Variants in SPMIP2 observed in about 807,000 individuals in gnomAD.
The protein encoded by SPMIP2 is protein SPMIP2.
At chr4:159,052,015 TA>T in the SPMIP2 span, among the ~76,000 whole-genome samples, 15 of 145,842 alleles carry the variant, frequency 1.0e-4, no homozygotes, top group African/African-American at 1.3e-4. Flanking sequence ...TTCTGGATGC[TA>T]AAAAAAAAAC....
At chr4:158,982,402 C>T in the SPMIP2 span, among the ~76,000 whole-genome samples, 1 of 152,172 alleles carries the variant, frequency 6.6e-6, no homozygotes, top group Admixed American at 6.5e-5. Flanking sequence ...ACTCTCCACC[C>T]CAAATCAATA....
the SPMIP2 span, among the ~76,000 whole-genome samples, chr4:159,001,013 A>G: frequency 2.6e-5 from 4 of 152,304 alleles, no homozygotes; most frequent in Admixed American, 2.6e-4. Context: ...TATCTTGGGT[A>G]AATAACTAGA....
the SPMIP2 span, among the ~76,000 whole-genome samples, chr4:158,910,399 T>G: frequency 1.3e-5 from 2 of 152,034 alleles, no homozygotes; most frequent in East Asian, 3.9e-4. Context: ...TCAGCCTTCC[T>G]GAGTAGTTGG....
At chr4:158,930,216 T>TCTCTCTCTCTCA in the SPMIP2 span, among the ~76,000 whole-genome samples, 1 of 91,006 alleles carries the variant, frequency 1.1e-5, no homozygotes, top group Non-Finnish European at 2.1e-5. Flanking sequence ...TCTCTCTCTC[T>TCTCTCTCTCTCA]CACTCGCTCT....
the SPMIP2 span, among the ~76,000 whole-genome samples, chr4:158,976,271 C>T: frequency 4.6e-5 from 7 of 152,120 alleles, no homozygotes; most frequent in African/African-American, 1.7e-4. Flanking sequence ...TATTTGAATA[C>T]ATTTATTTCT....
chr4:159,016,105 G>T, the SPMIP2 span, among the ~76,000 whole-genome samples: 1 of 152,136 alleles, frequency 6.6e-6, no homozygotes, highest in Non-Finnish European at 1.5e-5. Flanking sequence ...GTTAGAATTC[G>T]TAATTTTAAA....
At chr4:159,073,929 C>G in the SPMIP2 span, among the ~76,000 whole-genome samples, 1 of 152,092 alleles carries the variant, frequency 6.6e-6, no homozygotes, top group Non-Finnish European at 1.5e-5. Flanking sequence ...ACCTTGAACC[C>G]AGGAGGTGGA....
At chr4:158,960,784 C>T in the SPMIP2 span, among the ~76,000 whole-genome samples, 482 of 152,206 alleles carry the variant, frequency 3.2e-3, 1 homozygote, top group African/African-American at 0.01. Context: ...TATAGACAGA[C>T]TGTGGTAAAG....
the SPMIP2 span, among the ~76,000 whole-genome samples, chr4:159,058,172 T>C: frequency 6.8e-6 from 1 of 148,088 alleles, no homozygotes; most frequent in Admixed American, 6.8e-5. Context: ...AAAATGGCAA[T>C]TGTATTTGCT....
the SPMIP2 span, among the ~76,000 whole-genome samples, chr4:159,037,813 CACACACACACACACAT>C: frequency 2.3e-4 from 32 of 141,234 alleles, no homozygotes; most frequent in Non-Finnish European, 3.4e-4. Flanking sequence ...CACACACACA[CACACACACACACACAT>C]ATATATATGT....
the SPMIP2 span, among the ~76,000 whole-genome samples, chr4:158,985,716 A>G: frequency 6.6e-6 from 1 of 151,386 alleles, no homozygotes; most frequent in Admixed American, 6.6e-5. Context: ...CCCTTTGAAA[A>G]CTGGCACAAG....
the SPMIP2 span, among the ~76,000 whole-genome samples, chr4:158,992,886 C>A: frequency 6.6e-6 from 1 of 152,228 alleles, no homozygotes; most frequent in East Asian, 1.9e-4. Flanking sequence ...CCTCTTACTC[C>A]TAGCACATTG....
chr4:159,049,449 A>T, the SPMIP2 span, among the ~76,000 whole-genome samples: 3 of 152,212 alleles, frequency 2.0e-5, no homozygotes, highest in African/African-American at 4.8e-5. Flanking sequence ...TGATTTTTTT[A>T]AAAAATTCTT....
the SPMIP2 span, among the ~76,000 whole-genome samples, chr4:159,080,607 T>C: frequency 6.6e-6 from 1 of 152,226 alleles, no homozygotes; most frequent in African/African-American, 2.4e-5. Context: ...ATTAACACTT[T>C]TGGTATCTCC....
chr4:158,908,245 A>G, the SPMIP2 span, among the ~76,000 whole-genome samples: 2 of 152,146 alleles, frequency 1.3e-5, no homozygotes, highest in East Asian at 3.9e-4. Context: ...GGGGGCTCAG[A>G]TGATAGGCGA....
At chr4:159,076,899 C>T in the SPMIP2 span, among the ~76,000 whole-genome samples, 6 of 151,290 alleles carry the variant, frequency 4.0e-5, no homozygotes, top group Admixed American at 2.0e-4. Flanking sequence ...GTAATGGTGC[C>T]GTCTCGGCTC....
At chr4:159,008,393 T>C in the SPMIP2 span, among the ~76,000 whole-genome samples, 1 of 152,220 alleles carries the variant, frequency 6.6e-6, no homozygotes, top group African/African-American at 2.4e-5. Context: ...ACCAACATGG[T>C]GAAACCCCAT....
At chr4:158,907,648 T>G in the SPMIP2 span, 1 of 152,244 alleles carries the variant, frequency 6.6e-6, no homozygotes, top group African/African-American at 2.4e-5. Context: ...ATTTTGTTCA[T>G]GCATACTTCC....
the SPMIP2 span, chr4:158,893,672 A>C: frequency 6.3e-7 from 1 of 1,580,858 alleles, no homozygotes; most frequent in Admixed American, 1.8e-5. Context: ...TTCTCCTTCT[A>C]AAAGCAGGTT....
Sources: allele counts gnomAD v4.1 joint callset (sites outside exome capture counted in the v4.1 genomes callset), GRCh38; gene constraint gnomAD v4.1.1; transcripts MANE v1.5; gene names NCBI Gene and HGNC (gene_info 2026-07-23, HGNC 2026-07-21).